LY75: variants seen among roughly 807,000 people sequenced by gnomAD.
LY75 encodes the protein C-type lectin domain family 13 member B.
In LY75, 185 loss-of-function variants were observed where a neutral mutation model predicts 231.7. That is an observed-to-expected ratio of 0.80 (90% CI 0.71 to 0.90). LY75 has a LOEUF of 0.90. Ranked by LOEUF, LY75 falls within the 40% of genes least tolerant of loss-of-function variation. The pLI, the probability that LY75 is intolerant of heterozygous loss-of-function variation, is 0.00. For missense variants in LY75, 1,947 were observed against 2,050.2 expected, an observed-to-expected ratio of 0.95 and a Z score of 0.97; for synonymous variants, 668 against 689.0, an observed-to-expected ratio of 0.97 and a Z score of 0.48.
chr2:159,874,154 T>TATATATAAAGTATATATATTTTGTAAAC (rs1685113844), intron 12 of LY75, among the ~76,000 whole-genome samples: 1 of 120,854 alleles, frequency 8.3e-6, no homozygotes, highest in African/African-American at 2.9e-5. Flanking sequence ...ATTTTGTAAA[T>TATATATAAAGTATATATATTTTGTAAAC]ATATATAAAC....
intron 2 of LY75, among the ~76,000 whole-genome samples, chr2:159,895,115 T>C (rs748494400): frequency 3.9e-5 from 6 of 152,334 alleles, no homozygotes; most frequent in Middle Eastern, 3.4e-3. Flanking sequence ...AAGACAGTAT[T>C]TGATTCTACT....
chr2:159,847,299 C>A (rs985179953), intron 23 of LY75, among the ~76,000 whole-genome samples: 13 of 152,148 alleles, frequency 8.5e-5, no homozygotes, highest in African/African-American at 3.1e-4. Context: ...CAGGCATGAG[C>A]CACCACGCCC....
At chr2:159,884,212 C>T (rs1350477353) in intron 6 of LY75, among the ~76,000 whole-genome samples, 2 of 152,206 alleles carry the variant, frequency 1.3e-5, no homozygotes, top group Non-Finnish European at 2.9e-5. Flanking sequence ...TCCCCAGCCA[C>T]GTGAGATTGT....
intron 25 of LY75, among the ~76,000 whole-genome samples, chr2:159,835,919 T>C (rs145247273): frequency 1.6e-4 from 25 of 152,260 alleles, no homozygotes; most frequent in Admixed American, 3.9e-4. Flanking sequence ...TCCCACAGAA[T>C]ACAAACCACA....
chr2:159,881,042 A>G, intron 8 of LY75, 41 bp downstream of exon 8: 1 of 1,590,680 alleles, frequency 6.3e-7, no homozygotes, highest in Middle Eastern at 1.7e-4. Flanking sequence ...ATCATTAGGT[A>G]AAACAGGAAG....
At chr2:159,840,014 A>AAAAAAAAAAAAAAAAG (rs551332613) in intron 25 of LY75, among the ~76,000 whole-genome samples, 2 of 149,540 alleles carry the variant, frequency 1.3e-5, no homozygotes, top group African/African-American at 2.5e-5. Flanking sequence ...TCAAAAAAAA[A>AAAAAAAAAAAAAAAAG]AAAAAGAAAA....
intron 2 of LY75, among the ~76,000 whole-genome samples, chr2:159,895,675 G>A (rs1685890204): frequency 2.0e-5 from 3 of 152,264 alleles, no homozygotes; most frequent in Admixed American, 6.5e-5. Context: ...GGCTCTCTCT[G>A]ATTAGACTCT....
At chr2:159,830,439 T>C (rs1174376448) in intron 28 of LY75, among the ~76,000 whole-genome samples, 6 of 152,108 alleles carry the variant, frequency 3.9e-5, no homozygotes, top group Admixed American at 6.5e-5. Flanking sequence ...TTCTAAATGC[T>C]CAGAAGCATT....
intron 23 of LY75, among the ~76,000 whole-genome samples, chr2:159,847,162 C>A (rs902754408): frequency 6.6e-6 from 1 of 152,152 alleles, no homozygotes; most frequent in Non-Finnish European, 1.5e-5. Flanking sequence ...CAGGCCCACA[C>A]TGCCATGCCC....
intron 16 of LY75, among the ~76,000 whole-genome samples, chr2:159,857,609 G>C (rs1365118743): frequency 6.6e-6 from 1 of 152,138 alleles, no homozygotes; most frequent in Non-Finnish European, 1.5e-5. Flanking sequence ...AGGTGCGGTA[G>C]TGGGTGCCTG....
At chr2:159,893,840 G>A in intron 3 of LY75, 74 bp downstream of exon 3, 6 of 1,497,454 alleles carry the variant, frequency 4.0e-6, no homozygotes, top group Middle Eastern at 1.8e-4. Context: ...GAGTCACTTT[G>A]AACTCTTCCT....
intron 5 of LY75, 62 bp downstream of exon 5, chr2:159,886,358 G>A: frequency 1.3e-6 from 2 of 1,485,924 alleles, no homozygotes; most frequent in East Asian, 4.7e-5. Flanking sequence ...ATTGGTGAGT[G>A]AGAAGCTTTT....
chr2:159,885,909 C>T (rs149472245), intron 5 of LY75, among the ~76,000 whole-genome samples: 1 of 152,206 alleles, frequency 6.6e-6, no homozygotes, highest in African/African-American at 2.4e-5. Context: ...GGGAAGAATG[C>T]TTTTTGGCTA....
At chr2:159,863,742 T>C (rs1281140576) in intron 14 of LY75, among the ~76,000 whole-genome samples, 1 of 152,194 alleles carries the variant, frequency 6.6e-6, no homozygotes, top group Non-Finnish European at 1.5e-5. Context: ...TGTATGTTCC[T>C]GCCTCCATAT....
chr2:159,809,866 C>T (rs1302202309), intron 32 of LY75, among the ~76,000 whole-genome samples: 3 of 151,210 alleles, frequency 2.0e-5, no homozygotes, highest in Non-Finnish European at 4.4e-5. Context: ...TTAGTAGAGA[C>T]GAGGGCTCGC....
chr2:159,854,988 G>T, intron 16 of LY75, 49 bp from the exon 17 acceptor site: 2 of 1,609,986 alleles, frequency 1.2e-6, no homozygotes, highest in African/African-American at 1.3e-5. Flanking sequence ...GACAGATCAG[G>T]GTATACTATA....
intron 11 of LY75, among the ~76,000 whole-genome samples, chr2:159,876,264 A>C (rs1379614566): frequency 6.6e-6 from 1 of 152,200 alleles, no homozygotes; most frequent in African/African-American, 2.4e-5. Flanking sequence ...CCACAGTCAG[A>C]GTTAGTGAAT....
intron 29 of LY75, among the ~76,000 whole-genome samples, chr2:159,818,931 C>A (rs1683203357): frequency 1.3e-5 from 2 of 152,202 alleles, no homozygotes; most frequent in East Asian, 1.9e-4. Flanking sequence ...GAAAAAGATG[C>A]TTTGCTGAGC....
At chr2:159,810,192 C>A (rs1381226127) in intron 32 of LY75, among the ~76,000 whole-genome samples, 1 of 151,792 alleles carries the variant, frequency 6.6e-6, no homozygotes, top group Non-Finnish European at 1.5e-5. Context: ...TGCGACCACA[C>A]CCAGCTAATT....
Sources: gnomAD v4.1 joint callset for allele counts (sites outside exome capture counted in the v4.1 genomes callset) on GRCh38, gnomAD v4.1.1 for gene constraint, MANE v1.5 for transcripts, NCBI Gene and HGNC (gene_info 2026-07-23, HGNC 2026-07-21) for gene names.